The following UBN2 variants were observed in gnomAD, a reference collection of about 807,000 sequenced individuals.
UBN2 encodes ubinuclein 2.
Under a neutral mutation model 120.2 loss-of-function variants are expected in UBN2, and 35 were observed. That is an observed-to-expected ratio of 0.29 (90% CI 0.22 to 0.39). The LOEUF (loss-of-function observed/expected upper bound fraction) is 0.39. Among genes scored for constraint, UBN2 ranks in the 10% least tolerant of loss-of-function variants. UBN2 has a pLI of 1.00. For missense variants in UBN2, 1,693 were observed against 1,663.2 expected (o/e 1.02, Z -0.31); for synonymous variants, 661 against 648.7 (o/e 1.02, Z -0.29).
chr7:139,327,137 G>A, the UBN2 span, among the ~76,000 whole-genome samples: 25 of 152,144 alleles, frequency 1.6e-4, no homozygotes, highest in African/African-American at 5.6e-4. Flanking sequence ...GGGTTCAAGC[G>A]ATTATCCTGC....
intron 7 of UBN2, among the ~76,000 whole-genome samples, chr7:139,268,111 G>C (rs1374846128): frequency 6.6e-6 from 1 of 152,210 alleles, no homozygotes; most frequent in Non-Finnish European, 1.5e-5. Context: ...AGAGTCAAAA[G>C]ACCATCCTTG....
chr7:139,321,686 G>A, the UBN2 span, among the ~76,000 whole-genome samples: 1 of 152,114 alleles, frequency 6.6e-6, no homozygotes, highest in Admixed American at 6.6e-5. Flanking sequence ...GCCTGGGGGT[G>A]GAGACTCTCC....
At chr7:139,266,226 CAAAAAAAAA>C (rs377760158) in intron 6 of UBN2, 98 bp from the exon 7 acceptor site, 1 of 342,958 alleles carries the variant, frequency 2.9e-6, no homozygotes, top group Non-Finnish European at 4.8e-6. Context: ...GGCCCTATCT[CAAAAAAAAA>C]AAAAAAAAAA....
At chr7:139,243,575 G>C (rs1407368815) in intron 2 of UBN2, among the ~76,000 whole-genome samples, 1 of 152,134 alleles carries the variant, frequency 6.6e-6, no homozygotes, top group East Asian at 1.9e-4. Context: ...CCAAAAGTTT[G>C]GTTCCAGCTT....
At position 139,284,329 on chromosome 7, in the gene UBN2, A is replaced by T; in HGVS notation, c.3424A>T (p.Asn1142Tyr). 2 of 1,614,106 alleles carry T rather than the reference A, an allele frequency of 1.2e-6. No individual in the cohort carries two copies. Among genetic ancestry groups the T allele is most frequent in the Non-Finnish European group, 1.7e-6 (2 of 1,180,014 alleles). ...CACTTCAGGCCTTCCACCTACAAAAAATCTTCAGGCCCCCTCAAAGCTAAC... is the reference window on the plus strand; with the variant it reads ...CACTTCAGGCCTTCCACCTACAAAATATCTTCAGGCCCCCTCAAAGCTAAC... ...SRTSGLPPTK[N>Y]LQAPSKLTNS... Residue 1142 changes from asparagine (N) to tyrosine (Y), a missense_variant, in exon 15 of 18, where the codon AAT becomes TAT. Around this residue, in one of 5 missense-constraint regions of UBN2, gnomAD observed 837 missense variants for 817.6 expected, o/e 1.02. Coordinates refer to ENST00000473989, the MANE Select transcript of UBN2 (RefSeq NM_173569.4).
chr7:139,256,460 A>T (rs1371300260), intron 3 of UBN2, among the ~76,000 whole-genome samples: 2 of 152,210 alleles, frequency 1.3e-5, no homozygotes, highest in African/African-American at 2.4e-5. Flanking sequence ...TGCCATAAAC[A>T]TATGTATAGA....
the UBN2 span, among the ~76,000 whole-genome samples, chr7:139,314,724 G>A: frequency 6.6e-6 from 1 of 151,824 alleles, no homozygotes. Flanking sequence ...GACTTCAGGG[G>A]ATCTGCCCAC....
intron 1 of UBN2, among the ~76,000 whole-genome samples, chr7:139,232,172 A>G (rs923921075): frequency 6.6e-6 from 1 of 151,980 alleles, no homozygotes; most frequent in Non-Finnish European, 1.5e-5. Context: ...CCGAATCCCC[A>G]AACCCCCGGC....
intron 2 of UBN2, among the ~76,000 whole-genome samples, chr7:139,240,281 G>T (rs1487511958): frequency 6.6e-6 from 1 of 151,404 alleles, no homozygotes; most frequent in Non-Finnish European, 1.5e-5. Flanking sequence ...TTGTGTGTGT[G>T]TGTATATGTA....
the UBN2 span, among the ~76,000 whole-genome samples, chr7:139,325,315 T>C: frequency 1.4e-5 from 2 of 143,288 alleles, no homozygotes; most frequent in Non-Finnish European, 3.0e-5. Flanking sequence ...TCACTCAGGC[T>C]GGAGTGCAAT....
At chr7:139,250,189 C>T (rs1271962289) in intron 2 of UBN2, among the ~76,000 whole-genome samples, 1 of 152,006 alleles carries the variant, frequency 6.6e-6, no homozygotes, top group Non-Finnish European at 1.5e-5. Flanking sequence ...TGAGCTATAA[C>T]CATACCATGG....
chr7:139,238,500 T>A (rs2130930730), intron 2 of UBN2, among the ~76,000 whole-genome samples: 1 of 152,330 alleles, frequency 6.6e-6, no homozygotes, highest in Non-Finnish European at 1.5e-5. Flanking sequence ...CTTGGCTCAC[T>A]GTAACCTCCA....
At chr7:139,286,151 C>T (rs1430606908) in intron 15 of UBN2, among the ~76,000 whole-genome samples, 1 of 152,170 alleles carries the variant, frequency 6.6e-6, no homozygotes, top group East Asian at 1.9e-4. Context: ...TGATCTTGAA[C>T]TCCTGACCCC....
chr7:139,260,721 T>C (rs1796903267), intron 5 of UBN2, among the ~76,000 whole-genome samples: 1 of 152,224 alleles, frequency 6.6e-6, no homozygotes, highest in Non-Finnish European at 1.5e-5. Context: ...TACTAATGGT[T>C]GTCTTAAATC....
At chr7:139,279,168 C>T (rs1035348928) in intron 12 of UBN2, 150 bp from the exon 13 acceptor site, 22 of 605,786 alleles carry the variant, frequency 3.6e-5, no homozygotes, top group East Asian at 3.4e-4. Context: ...CTACATACTT[C>T]GTATAAACTG....
chr7:139,310,892 A>T (rs188799377), downstream of UBN2, among the ~76,000 whole-genome samples: 1 of 152,342 alleles, frequency 6.6e-6, no homozygotes, highest in African/African-American at 2.4e-5. Flanking sequence ...GAACAGCTTC[A>T]TAGTATTCTA....
chr7:139,327,484 G>A, the UBN2 span, among the ~76,000 whole-genome samples: 3 of 152,136 alleles, frequency 2.0e-5, no homozygotes, highest in African/African-American at 7.2e-5. Flanking sequence ...CTGGCATCTG[G>A]TGAGGGCCTT....
chr7:139,291,831 G>C (rs926991077), intron 15 of UBN2, among the ~76,000 whole-genome samples: 3 of 151,894 alleles, frequency 2.0e-5, no homozygotes, highest in African/African-American at 7.3e-5. Flanking sequence ...TCTAGCCTGG[G>C]TAACAGAGTG....
the UBN2 span, among the ~76,000 whole-genome samples, chr7:139,320,438 G>A: frequency 0.021 from 3,146 of 152,072 alleles, 48 homozygotes; most frequent in South Asian, 0.078. Context: ...TCCAGCCTGG[G>A]TGACAGAGAG....
Sources: gnomAD v4.1 joint callset for allele counts (sites outside exome capture counted in the v4.1 genomes callset) on GRCh38, gnomAD v4.1.1 for gene constraint, gnomAD v4.1.1 regional missense constraint, MANE v1.5 for transcripts, NCBI Gene and HGNC (gene_info 2026-07-23, HGNC 2026-07-21) for gene names.